Variants in CPM observed in about 807,000 individuals in gnomAD.
CPM encodes the protein renal carboxypeptidase.
In CPM, 35 loss-of-function variants were observed where a neutral mutation model predicts 46.4. The ratio of observed to expected loss-of-function variants is 0.75; its 90% CI spans 0.58 to 1.00. The LOEUF is 1.00. CPM is among the 50% of genes least tolerant of loss of function. The pLI is 0.00. For missense variants in CPM, 422 were observed against 530.4 expected, an observed-to-expected ratio of 0.80 and a Z score of 2.01; for synonymous variants, 195 against 195.3, an observed-to-expected ratio of 1.00 and a Z score of 0.01.
chr12:68,932,173 C>T (rs2136323778), intron 2 of CPM, among the ~76,000 whole-genome samples: 2 of 152,262 alleles, frequency 1.3e-5, no homozygotes, highest in Non-Finnish European at 2.9e-5. Flanking sequence ...TTAAAAGAAA[C>T]TTGCAGAAAT....
chr12:68,927,257 T>C (rs1331416606), intron 2 of CPM, among the ~76,000 whole-genome samples: 1 of 151,492 alleles, frequency 6.6e-6, no homozygotes, highest in African/African-American at 2.4e-5. Context: ...ATCGCCATTC[T>C]AACTGGTGTG....
chr12:68,882,032 T>TC (rs1189183066), intron 3 of CPM, among the ~76,000 whole-genome samples: 3 of 151,208 alleles, frequency 2.0e-5, no homozygotes, highest in Non-Finnish European at 4.4e-5. Flanking sequence ...TGCTTTTTTT[T>TC]TTTTTTTTTT....
chr12:68,934,022 C>G (rs1308668644), upstream of CPM, among the ~76,000 whole-genome samples: 1 of 152,140 alleles, frequency 6.6e-6, no homozygotes, highest in Non-Finnish European at 1.5e-5. Flanking sequence ...AGGCTTCACT[C>G]AAACCTGAGA....
chr12:68,949,547 G>A (rs1011095406), intron 1 of CPM, among the ~76,000 whole-genome samples: 4 of 152,186 alleles, frequency 2.6e-5, no homozygotes, highest in African/African-American at 9.7e-5. Flanking sequence ...TTCTTCTTTA[G>A]AAATGTGGAT....
At chr12:68,922,256 C>G (rs1308659300) in intron 2 of CPM, among the ~76,000 whole-genome samples, 2 of 152,198 alleles carry the variant, frequency 1.3e-5, no homozygotes, top group African/African-American at 2.4e-5. Flanking sequence ...CTAAATTTCA[C>G]CTGCCTGTAT....
At chr12:68,900,940 A>G (rs1186629450) in intron 2 of CPM, among the ~76,000 whole-genome samples, 1 of 152,172 alleles carries the variant, frequency 6.6e-6, no homozygotes, top group Admixed American at 6.5e-5. Flanking sequence ...TGATACTACA[A>G]TGTCATTATA....
intron 1 of CPM, among the ~76,000 whole-genome samples, chr12:68,946,192 GT>G (rs556603191): frequency 6.6e-6 from 1 of 151,770 alleles, no homozygotes; most frequent in African/African-American, 2.4e-5. Context: ...CATGCTATAG[GT>G]TTTTTTTGAA....
Position 68,856,653 on chromosome 12 carries a change from G to A in CPM, c.1116C>T (p.His372=). 1 of 1,614,200 alleles carries A rather than the reference G, an allele frequency of 6.2e-7. No homozygotes were observed. Among genetic ancestry groups the A allele is most frequent in the Non-Finnish European group, 8.5e-7 (1 of 1,180,004 alleles). ...TCTCCGGAATAATCACCTTTGTGAT[G>A]TGTGGATCATGTCCAGGGACTGTAA... The part of the protein sequence containing the change: ...INVTVPGHDP[H]ITKVIIPEKS... Residue 372 remains histidine, a synonymous_variant, in exon 9 of 9, where the codon CAC becomes CAT. Coordinates refer to ENST00000551568, the MANE Select transcript of CPM (RefSeq NM_198320.5).
At chr12:68,885,730 C>A in intron 3 of CPM, 62 bp downstream of exon 3, 2 of 1,354,598 alleles carry the variant, frequency 1.5e-6, no homozygotes, top group Admixed American at 1.8e-5. Flanking sequence ...TTATACAGAG[C>A]TCAAGAGACC....
At chr12:68,958,095 T>C (rs1889053696) in intron 1 of CPM, among the ~76,000 whole-genome samples, 1 of 152,250 alleles carries the variant, frequency 6.6e-6, no homozygotes, top group Non-Finnish European at 1.5e-5. Flanking sequence ...CTATTATTGA[T>C]GGACATTTGG....
chr12:68,861,477 G>T (rs781366606), intron 7 of CPM, among the ~76,000 whole-genome samples: 205 of 151,980 alleles, frequency 1.3e-3, no homozygotes, highest in Admixed American at 6.3e-3. Context: ...CCAAATCGAA[G>T]AAAATCAAGT....
intron 2 of CPM, among the ~76,000 whole-genome samples, chr12:68,889,512 G>A (rs772144569): frequency 3.3e-5 from 5 of 152,024 alleles, no homozygotes; most frequent in South Asian, 2.1e-4. Flanking sequence ...CTATAGCTTC[G>A]TAGCATATAA....
chr12:68,876,915 TGTGTGA>T (rs67647140), intron 3 of CPM, among the ~76,000 whole-genome samples: 71,241 of 145,506 alleles, frequency 0.49, 17,660 homozygotes, highest in Non-Finnish European at 0.56. Flanking sequence ...TGTGTGTGTG[TGTGTGA>T]GAGAGAGAGA....
rs144573802 is a variant in CPM at position 68,867,690 on chromosome 12, C to T, written c.788-642G>A. On this transcript the variant is annotated intron_variant, in intron 6 of 8. Transcript: ENST00000551568. ...CTTCCGCCAGCACCTGTGGGCTTCC[C>T]CAATATGCCAGAGTGCTCCTGGGGA... 5.1e-4 allele frequency among the ~76,000 whole-genome samples: 78 copies of T among 152,288 alleles called. 1 individual carries two copies. In the East Asian group the frequency reaches 0.014, roughly 28 times the overall value.
chr12:68,885,876 C>G lies in CPM; in HGVS notation c.174G>C (p.Trp58Cys). The G allele has an allele frequency of 6.2e-7, 1 of 1,613,844 alleles. No homozygotes were observed. Among genetic ancestry groups the G allele is most frequent in the Middle Eastern group, 1.6e-4 (1 of 6,062 alleles). ...TTGGAAACCGCCCCACAACAAGAACCCACAGGTTTCTACCTTTACAGGAAA... is the reference window on the plus strand; with the variant it reads ...TTGGAAACCGCCCCACAACAAGAACGCACAGGTTTCTACCTTTACAGGAAA... ...IGKSVKGRNL[W>C]VLVVGRFPKE... The change falls in exon 3 of 9, where the codon TGG becomes TGC. Residue 58 changes from tryptophan (W) to cysteine (C), a missense_variant. Physicochemically the swap from Trp to Cys is radical, Grantham distance 215. Transcript: ENST00000551568.
rs772173576 is a variant in CPM, at chr12:68,870,248, C to A, written c.583G>T (p.Val195Leu). 6.2e-7 allele frequency: 1 copy of A among 1,614,040 alleles called. No individual in the cohort carries two copies. Among genetic ancestry groups the A allele is most frequent in the Admixed American group, 1.7e-5 (1 of 59,996 alleles). ...LSANLHGGAL[V>L]ASYPFDNGVQ... ...CCATTATCAAATGGGTAACTGGCCA[C>A]GAGGGCACCACCATGGAGGTTTGCA... Residue 195 changes from valine (V) to leucine (L), a missense_variant, in exon 5 of 9, where the codon GTG becomes TTG. By Grantham distance (32) the Val-to-Leu change is conservative. Coordinates refer to ENST00000551568, the MANE Select transcript of CPM (RefSeq NM_198320.5).
In CPM at chr12:68,959,624, A is replaced by G. The variant is rs551659843; in HGVS notation, c.-4+3545T>C. Among the ~76,000 whole-genome samples the G allele has an allele frequency of 3.3e-5, 5 of 152,372 alleles. No individual in the cohort carries two copies. In the South Asian group the frequency reaches 1.0e-3, roughly 32 times the overall value. On this transcript the variant is annotated intron_variant, in intron 1 of 8. Coordinates refer to the CPM transcript ENST00000546373. ...TGCCCAGTCAAGACAGATGTGGGTG[A>G]AACATCATGGGCAAGGAGGGGGTTT...
downstream of CPM, chr12:68,847,211 T>TATAC (rs914745312): frequency 7.3e-6 from 1 of 136,478 alleles, no homozygotes; most frequent in Non-Finnish European, 1.5e-5. Flanking sequence ...TATATATATA[T>TATAC]ACTTTTTTTA....
rs972397021 is a variant in CPM at position 68,856,781 on chromosome 12, A to G, written c.1090-102T>C. 2.1e-6 allele frequency: 3 copies of G among 1,441,608 alleles called. No individual in the cohort carries two copies. The Admixed American group carries it at 6.1e-5, about 29-fold the overall frequency. 89.3% of individuals were successfully genotyped at this position (1,441,608 alleles called of 1,614,324 possible). ...ATCACTAAAATGCAGCCTTTGTGCA[A>G]TGCATGTAACAATCTACCAGACCTC... On this transcript the variant is annotated intron_variant, in intron 8 of 8. Transcript: ENST00000551568.
Sources: allele counts gnomAD v4.1 joint callset (sites outside exome capture counted in the v4.1 genomes callset), GRCh38; gene constraint gnomAD v4.1.1; transcripts MANE v1.5; gene names NCBI Gene and HGNC (gene_info 2026-07-23, HGNC 2026-07-21).